RBFOX1: variants seen among roughly 807,000 people sequenced by gnomAD.
The protein encoded by RBFOX1 is RNA binding fox-1 homolog 1.
A neutral mutation model predicts 57.7 loss-of-function variants in RBFOX1; 8 were observed. That is an observed-to-expected ratio of 0.14 (90% CI 0.08 to 0.25). The LOEUF (loss-of-function observed/expected upper bound fraction) is 0.25, where lower values mean the gene tolerates loss of function less well. Among genes scored for constraint, RBFOX1 ranks in the 10% least tolerant of loss-of-function variants. The probability of loss-of-function intolerance (pLI) is 1.00; values close to 1 mark genes in which losing one functional copy is unlikely to be tolerated. For synonymous variants in RBFOX1, 326 were observed against 222.4 expected (o/e 1.47, Z -4.15); for missense variants, 611 against 548.5 (o/e 1.11, Z -1.14).
chr16:6,553,056 C>T (rs1599642939), intron 2 of RBFOX1, among the ~76,000 whole-genome samples: 1 of 152,300 alleles, frequency 6.6e-6, no homozygotes, highest in South Asian at 2.1e-4. Context: ...TCAGTGGCAG[C>T]AACTTCCAGT....
Position 6,556,996 on chromosome 16 carries a change from CATATAT to C in RBFOX1, c.-63-97603_-63-97598del, listed in dbSNP as rs886273516. Among the ~76,000 whole-genome samples the C allele has an allele frequency of 8.3e-3, 358 of 43,008 alleles. 3 individuals are homozygous for C. The highest frequency in any genetic ancestry group is 0.021 in the Admixed American group (83 of 3,870). The allele number at this position is 43,008 out of a possible 152,430, so 28.2% of individuals were successfully genotyped here. On this transcript the variant is annotated intron_variant, in intron 2 of 15. Coordinates refer to ENST00000550418, the MANE Select transcript of RBFOX1 (RefSeq NM_018723.4). ...ATACACACATACGTATATATACATACATATATATACATATATATACATATATATACA... is the reference window on the plus strand; with the variant it reads ...ATACACACATACGTATATATACATACATACATATATATACATATATATACA...
At chr16:6,283,991 T>C (rs2076647184) in intron 1 of RBFOX1, among the ~76,000 whole-genome samples, 1 of 152,206 alleles carries the variant, frequency 6.6e-6, no homozygotes, top group Admixed American at 6.5e-5. Flanking sequence ...TTCGTGTTGA[T>C]CTTAGTGAGC....
At chr16:7,658,001 G>A (rs898707094) in intron 12 of RBFOX1, among the ~76,000 whole-genome samples, 3 of 152,142 alleles carry the variant, frequency 2.0e-5, no homozygotes, top group Non-Finnish European at 2.9e-5. Flanking sequence ...CTTACTTAAC[G>A]TCTATAGACA....
At chr16:6,193,425 T>TATATAAAA (rs1243693521) in intron 1 of RBFOX1, among the ~76,000 whole-genome samples, 1 of 106,502 alleles carries the variant, frequency 9.4e-6, no homozygotes, top group Non-Finnish European at 2.0e-5. Context: ...TATATATATA[T>TATATAAAA]AAAATTCAGT....
intron 11 of RBFOX1, among the ~76,000 whole-genome samples, chr16:7,652,901 G>A (rs928430230): frequency 6.6e-6 from 1 of 152,134 alleles, no homozygotes; most frequent in African/African-American, 2.4e-5. Flanking sequence ...TCAATTAGAA[G>A]TTTTAAGAAG....
At chr16:6,806,836 A>ATATATATATATATATTTTTTT (rs754342591) in intron 3 of RBFOX1, among the ~76,000 whole-genome samples, 1 of 91,904 alleles carries the variant, frequency 1.1e-5, no homozygotes, top group Admixed American at 1.5e-4. Context: ...ATATATATAT[A>ATATATATATATATATTTTTTT]TTTTTTTTTT....
intron 3 of RBFOX1, among the ~76,000 whole-genome samples, chr16:6,928,416 T>C (rs1007061620): frequency 2.0e-5 from 3 of 152,106 alleles, no homozygotes; most frequent in Admixed American, 6.5e-5. Flanking sequence ...TGTTGTAGGA[T>C]AATGAAGGGG....
intron 1 of RBFOX1, among the ~76,000 whole-genome samples, chr16:6,138,880 C>T (rs529470237): frequency 2.6e-5 from 4 of 152,116 alleles, no homozygotes; most frequent in East Asian, 1.9e-4. Flanking sequence ...TAAATAAATA[C>T]GTAAAAGAGC....
At chr16:6,583,044 C>G (rs2097559545) in intron 2 of RBFOX1, among the ~76,000 whole-genome samples, 1 of 151,454 alleles carries the variant, frequency 6.6e-6, no homozygotes, top group African/African-American at 2.4e-5. Context: ...CTCTCTCTCT[C>G]ACCCTTCTCT....
chr16:6,962,807 G>A (rs1401444410), intron 3 of RBFOX1, among the ~76,000 whole-genome samples: 1 of 151,930 alleles, frequency 6.6e-6, no homozygotes, highest in African/African-American at 2.4e-5. Context: ...GGAGGCTGCA[G>A]TGAGCTGTGA....
At chr16:6,388,072 C>T (rs192676762) in intron 2 of RBFOX1, among the ~76,000 whole-genome samples, 16 of 148,318 alleles carry the variant, frequency 1.1e-4, no homozygotes, top group East Asian at 4.0e-4. Flanking sequence ...CTCTGCCTCT[C>T]GGGTTCAAGC....
intron 3 of RBFOX1, among the ~76,000 whole-genome samples, chr16:5,807,234 C>A (rs1038408920): frequency 3.3e-5 from 5 of 152,174 alleles, no homozygotes; most frequent in African/African-American, 7.2e-5. Flanking sequence ...TAGTTGTGGC[C>A]ATCCCTCCTC....
chr16:6,409,140 G>C (rs908098177), intron 2 of RBFOX1, among the ~76,000 whole-genome samples: 1 of 152,140 alleles, frequency 6.6e-6, no homozygotes, highest in Non-Finnish European at 1.5e-5. Flanking sequence ...TTACTGTCTG[G>C]ACGTGGTGGC....
At chr16:7,271,885 A>G (rs1334161319) in intron 4 of RBFOX1, among the ~76,000 whole-genome samples, 2 of 151,440 alleles carry the variant, frequency 1.3e-5, no homozygotes. Context: ...TCCCCTGTGC[A>G]TATCGATTAG....
chr16:6,132,964 C>CA (rs144051004), intron 1 of RBFOX1, among the ~76,000 whole-genome samples: 868 of 69,966 alleles, frequency 0.012, 5 homozygotes, highest in East Asian at 0.036. Flanking sequence ...GACTCTGTCT[C>CA]AAAAAAAAAA....
At chr16:6,861,493 C>T (rs969802581) in intron 3 of RBFOX1, among the ~76,000 whole-genome samples, 1 of 151,428 alleles carries the variant, frequency 6.6e-6, no homozygotes, top group South Asian at 2.1e-4. Flanking sequence ...CCCCTCCCCC[C>T]CCGACTCAAT....
At chr16:7,370,518 C>T (rs1349830286) in intron 4 of RBFOX1, among the ~76,000 whole-genome samples, 1 of 152,116 alleles carries the variant, frequency 6.6e-6, no homozygotes, top group African/African-American at 2.4e-5. Context: ...CCCTTCTTCC[C>T]CCACGCTCCC....
intron 3 of RBFOX1, among the ~76,000 whole-genome samples, chr16:6,963,720 A>G (rs557721699): frequency 1.7e-3 from 254 of 152,144 alleles, no homozygotes; most frequent in Non-Finnish European, 3.2e-3. Flanking sequence ...TTTTTTTGAG[A>G]TGGAGTCTTG....
At chr16:5,309,554 G>T (rs1328544805) in intron 1 of RBFOX1, among the ~76,000 whole-genome samples, 1 of 152,084 alleles carries the variant, frequency 6.6e-6, no homozygotes, top group Non-Finnish European at 1.5e-5. Context: ...GTGCCATTTT[G>T]TTACATAGAT....
Sources: gnomAD v4.1 joint callset for allele counts (sites outside exome capture counted in the v4.1 genomes callset) on GRCh38, gnomAD v4.1.1 for gene constraint, MANE v1.5 for transcripts, NCBI Gene and HGNC (gene_info 2026-07-23, HGNC 2026-07-21) for gene names.